ADAMTS17: variants seen among roughly 807,000 people sequenced by gnomAD.
The protein encoded by ADAMTS17 is A disintegrin and metalloproteinase with thrombospondin motifs 17.
ADAMTS17 carries 113 observed loss-of-function variants against 141.5 expected under a neutral mutation model. The observed-to-expected ratio is 0.80, with a 90% CI of 0.69 to 0.93. The LOEUF (loss-of-function observed/expected upper bound fraction) is 0.93, where lower values mean the gene tolerates loss of function less well. ADAMTS17 is among the 40% of genes least tolerant of loss of function. The pLI is 0.00. For synonymous variants in ADAMTS17, 768 were observed against 630.6 expected (o/e 1.22, Z -3.27); for missense variants, 1,659 against 1,517.9 (o/e 1.09, Z -1.54).
At chr15:100,030,801 C>T (rs1380967078) in intron 18 of ADAMTS17, among the ~76,000 whole-genome samples, 1 of 152,196 alleles carries the variant, frequency 6.6e-6, no homozygotes, top group Non-Finnish European at 1.5e-5. Context: ...CAATCTTTTA[C>T]TATCTGGAAA....
intron 15 of ADAMTS17, among the ~76,000 whole-genome samples, chr15:100,064,145 C>T (rs138014427): frequency 0.013 from 1,945 of 152,206 alleles, 43 homozygotes; most frequent in African/African-American, 0.042. Flanking sequence ...AACAGACATG[C>T]ACATAGGGAG....
chr15:100,178,086 G>A (rs114260114), intron 8 of ADAMTS17, among the ~76,000 whole-genome samples: 1 of 152,072 alleles, frequency 6.6e-6, no homozygotes, highest in Non-Finnish European at 1.5e-5. Flanking sequence ...TTTCTTTCAG[G>A]GAGCAGATAG....
chr15:100,223,785 G>A (rs1250036275), intron 7 of ADAMTS17, among the ~76,000 whole-genome samples: 1 of 151,308 alleles, frequency 6.6e-6, no homozygotes, highest in Non-Finnish European at 1.5e-5. Context: ...TCCTGGGTGT[G>A]TCTGTGTGGG....
At chr15:100,136,372 T>A (rs1018819174) in intron 10 of ADAMTS17, among the ~76,000 whole-genome samples, 9 of 152,202 alleles carry the variant, frequency 5.9e-5, no homozygotes, top group Non-Finnish European at 1.2e-4. Context: ...CAGCGTCTCA[T>A]CCAAGCTTGG....
chr15:99,998,774 A>G (rs1470805413), intron 18 of ADAMTS17, among the ~76,000 whole-genome samples: 2 of 152,082 alleles, frequency 1.3e-5, no homozygotes, highest in African/African-American at 4.8e-5. Flanking sequence ...TGCGAACACT[A>G]AGGGATCTCC....
chr15:100,129,821 AC>A (rs1254705614), intron 12 of ADAMTS17: 2 of 152,192 alleles, frequency 1.3e-5, no homozygotes, highest in Non-Finnish European at 2.9e-5. Context: ...TTCCCACTCT[AC>A]CATGTCCGCT....
intron 18 of ADAMTS17, among the ~76,000 whole-genome samples, chr15:100,028,268 C>A (rs2029864857): frequency 6.6e-6 from 1 of 152,198 alleles, no homozygotes. Context: ...GCATGCAAAC[C>A]ATCTGCCTAA....
intron 20 of ADAMTS17, 60 bp downstream of exon 20, chr15:99,992,988 C>T: frequency 1.2e-6 from 2 of 1,608,068 alleles, no homozygotes; most frequent in Non-Finnish European, 1.7e-6. Flanking sequence ...GAGCTGAGTT[C>T]CCGACCCTCG....
intron 7 of ADAMTS17, among the ~76,000 whole-genome samples, chr15:100,203,167 A>C (rs1347412987): frequency 3.9e-5 from 6 of 152,030 alleles, no homozygotes; most frequent in Non-Finnish European, 8.8e-5. Context: ...GCTCCACTAC[A>C]CCCCTGACAA....
intron 8 of ADAMTS17, among the ~76,000 whole-genome samples, chr15:100,160,851 G>C (rs2039658995): frequency 6.6e-6 from 1 of 152,208 alleles, no homozygotes; most frequent in Non-Finnish European, 1.5e-5. Flanking sequence ...ACCAGCATTA[G>C]ACCGGGAGGA....
At chr15:100,059,527 T>A (rs986484671) in intron 15 of ADAMTS17, among the ~76,000 whole-genome samples, 1 of 152,236 alleles carries the variant, frequency 6.6e-6, no homozygotes, top group Admixed American at 6.5e-5. Flanking sequence ...CCGTGGTCCA[T>A]CTGAAAAATC....
chr15:99,983,937 A>C (rs2060531293), intron 20 of ADAMTS17, among the ~76,000 whole-genome samples: 1 of 152,180 alleles, frequency 6.6e-6, no homozygotes, highest in Admixed American at 6.5e-5. Context: ...TCTCCCCGAG[A>C]CTTGGCATGA....
chr15:100,031,636 A>G (rs1264871704), intron 18 of ADAMTS17, among the ~76,000 whole-genome samples: 1 of 152,218 alleles, frequency 6.6e-6, no homozygotes, highest in East Asian at 1.9e-4. Context: ...TGCTCATGCC[A>G]CCGGAATGAA....
intron 15 of ADAMTS17, among the ~76,000 whole-genome samples, chr15:100,075,674 A>G (rs2034321585): frequency 6.6e-6 from 1 of 152,184 alleles, no homozygotes; most frequent in Non-Finnish European, 1.5e-5. Flanking sequence ...AGGCTATATT[A>G]TCTGTACACA....
Position 100,303,970 on chromosome 15 carries a change from C to T in ADAMTS17, c.617-22569G>A, listed in dbSNP as rs182783145. Reference sequence around the variant, plus strand: ...AACTCCTGACCTCAGGTGATCCACCCGCTTCGGCCTCCCAAAGCGCTGGGA... The same window carrying T: ...AACTCCTGACCTCAGGTGATCCACCTGCTTCGGCCTCCCAAAGCGCTGGGA... On this transcript the variant is annotated intron_variant, in intron 3 of 21. Transcript: ENST00000268070. 2.8e-4 allele frequency among the ~76,000 whole-genome samples: 43 copies of T among 152,296 alleles called. No individual in the cohort carries two copies. In the East Asian group the frequency reaches 7.3e-3, roughly 26 times the overall value.
chr15:100,304,965 TTTC>T, intron 3 of ADAMTS17, among the ~76,000 whole-genome samples: 1 of 152,336 alleles, frequency 6.6e-6, no homozygotes, highest in African/African-American at 2.4e-5. Flanking sequence ...TTAGTAACAT[TTTC>T]TTTTCTCTAG....
At chr15:100,111,252 G>A (rs1180610526) in intron 13 of ADAMTS17, among the ~76,000 whole-genome samples, 1 of 152,234 alleles carries the variant, frequency 6.6e-6, no homozygotes, top group African/African-American at 2.4e-5. Context: ...TCATGGACAA[G>A]TGTACAGCAA....
chr15:100,122,000 T>TCC (rs1419209556), intron 12 of ADAMTS17, among the ~76,000 whole-genome samples: 1 of 152,168 alleles, frequency 6.6e-6, no homozygotes, highest in Non-Finnish European at 1.5e-5. Context: ...TACAAGCCTC[T>TCC]CCCTCATTCA....
Position 100,046,128 on chromosome 15 carries a change from G to A in ADAMTS17, c.2591+2729C>T, listed in dbSNP as rs550192293. Among the ~76,000 whole-genome samples the A allele has an allele frequency of 6.6e-5, 10 of 152,246 alleles. No individual in the cohort carries two copies. The South Asian group carries it at 8.3e-4, about 13-fold the overall frequency. On this transcript the variant is annotated intron_variant, in intron 18 of 21. Transcript: ENST00000268070. ...ACTCCTGACCTTAAGTGATCTGCCCGCCTTTGCCTCCCAAAGTGCTGGGAT... is the reference window on the plus strand; with the variant it reads ...ACTCCTGACCTTAAGTGATCTGCCCACCTTTGCCTCCCAAAGTGCTGGGAT...
Sources: gnomAD v4.1 joint callset for allele counts (sites outside exome capture counted in the v4.1 genomes callset) on GRCh38, gnomAD v4.1.1 for gene constraint, MANE v1.5 for transcripts, NCBI Gene and HGNC (gene_info 2026-07-23, HGNC 2026-07-21) for gene names.